SPATS1: variants seen among roughly 807,000 people sequenced by gnomAD.
SPATS1 encodes spermatogenesis associated serine rich 1.
SPATS1 carries 23 observed loss-of-function variants against 33.6 expected under a neutral mutation model. The ratio of observed to expected loss-of-function variants is 0.68; its 90% CI spans 0.49 to 0.97. The LOEUF (loss-of-function observed/expected upper bound fraction) is 0.97. Among genes scored for constraint, SPATS1 ranks in the 50% least tolerant of loss-of-function variants. The probability of loss-of-function intolerance (pLI) is 0.00; values close to 1 mark genes in which losing one functional copy is unlikely to be tolerated. For missense variants in SPATS1, 327 were observed against 361.0 expected (o/e 0.91, Z 0.76); for synonymous variants, 131 against 125.6 (o/e 1.04, Z -0.29).
intron 5 of SPATS1, among the ~76,000 whole-genome samples, chr6:44,366,515 G>A (rs7769100): frequency 0.71 from 108,576 of 152,026 alleles, 39,108 homozygotes; most frequent in Middle Eastern, 0.77. Context: ...GGAACTATTA[G>A]AGATCTTCTG....
Position 44,380,061 on chromosome 6 carries a change from A to G in SPATS1, c.*2998A>G, listed in dbSNP as rs577134875. ...AAGGCCACATGGGAAAAATATGTGC[A>G]TATCATAGCTGTTCCAGCTTTTGCT... is the stretch of plus-strand genomic sequence containing the variant. On this transcript the variant is annotated 3_prime_UTR_variant, in exon 9 of 9. Transcript: ENST00000674044. 2.6e-5 allele frequency among the ~76,000 whole-genome samples: 4 copies of G among 152,334 alleles called. No homozygotes were observed. Among genetic ancestry groups the G allele is most frequent in the Non-Finnish European group, 5.9e-5 (4 of 68,026 alleles).
intron 5 of SPATS1, among the ~76,000 whole-genome samples, chr6:44,363,555 C>A (rs866175922): frequency 6.6e-6 from 1 of 152,144 alleles, no homozygotes; most frequent in Admixed American, 6.5e-5. Flanking sequence ...AAGTAAACCA[C>A]CTTATCCTGA....
At chr6:44,356,930 C>T (rs1788623537) in intron 3 of SPATS1, among the ~76,000 whole-genome samples, 1 of 152,168 alleles carries the variant, frequency 6.6e-6, no homozygotes, top group African/African-American at 2.4e-5. Flanking sequence ...CAGAGGCTGC[C>T]TGCTACACTC....
intron 6 of SPATS1, among the ~76,000 whole-genome samples, chr6:44,369,371 A>G: frequency 6.6e-6 from 1 of 151,716 alleles, no homozygotes; most frequent in East Asian, 2.0e-4. Flanking sequence ...CCAACATGGT[A>G]AAATCCCGTG....
Position 44,379,808 on chromosome 6 carries a change from A to C in SPATS1, c.*2745A>C, listed in dbSNP as rs183635618. On this transcript the variant is annotated 3_prime_UTR_variant, in exon 9 of 9. Transcript: ENST00000674044. ...GTAAAAAAAAAAAACACAAAAAAAC[A>C]AAAAAACCCTACACAACTGTTAGAT... is the stretch of plus-strand genomic sequence containing the variant. Among the ~76,000 whole-genome samples the C allele has an allele frequency of 2.8e-4, 42 of 151,434 alleles. No individual in the cohort carries two copies. Among genetic ancestry groups the C allele is most frequent in the Admixed American group, 2.3e-3 (35 of 15,208 alleles).
rs1787678282 is a variant in SPATS1, at chr6:44,343,328, G to A, written c.139+94G>A. The A allele has an allele frequency of 2.7e-6, 4 of 1,469,234 alleles. No individual in the cohort carries two copies. The South Asian group carries it at 3.4e-5, about 13-fold the overall frequency. 91.0% of individuals were successfully genotyped at this position (1,469,234 alleles called of 1,614,324 possible). A position where few individuals can be genotyped will look rare whatever the true frequency, so the allele number is the denominator to read the frequency against. ...GGGCAGGTGGGGGGCACCATTTGAA[G>A]TTTAGAAGGAAGCTAGTTTGGGGGC... is the stretch of plus-strand genomic sequence containing the variant. On this transcript the variant is annotated intron_variant, in intron 2 of 8. Coordinates refer to ENST00000674044, the MANE Select transcript of SPATS1 (RefSeq NM_001372081.1).
chr6:44,345,178 C>T (rs1017241495), intron 2 of SPATS1, among the ~76,000 whole-genome samples: 11 of 151,796 alleles, frequency 7.2e-5, no homozygotes, highest in Non-Finnish European at 1.3e-4. Flanking sequence ...AGGGGAGGGG[C>T]GGGGAGGCAT....
At position 44,368,386 on chromosome 6, in the gene SPATS1, T is replaced by A; in HGVS notation, c.582T>A (p.Asp194Glu). The change falls in exon 6 of 9, where the codon GAT (aspartate) becomes GAA (glutamate). Residue 194 changes from aspartate to glutamate, a missense_variant. Asp to Glu is a conservative substitution (Grantham distance 45). Coordinates refer to ENST00000674044, the MANE Select transcript of SPATS1 (RefSeq NM_001372081.1). ...KCFGRKKYDI[D>E]PRNGIPKLTP... Reference sequence around the variant, plus strand: ...TTCAAACCTTCTCCACAGATATTGATCCCAGGAATGGAATCCCAAAGTTAA... The same window carrying A: ...TTCAAACCTTCTCCACAGATATTGAACCCAGGAATGGAATCCCAAAGTTAA... The A allele has an allele frequency of 1.2e-6, 2 of 1,613,162 alleles. No homozygotes were observed. Among genetic ancestry groups the A allele is most frequent in the South Asian group, 1.1e-5 (1 of 90,976 alleles).
intron 3 of SPATS1, among the ~76,000 whole-genome samples, chr6:44,355,289 A>G (rs985137479): frequency 1.3e-5 from 2 of 152,138 alleles, no homozygotes; most frequent in Admixed American, 6.5e-5. Flanking sequence ...GCTTCCCTCA[A>G]TAATATGCAT....
intron 5 of SPATS1, among the ~76,000 whole-genome samples, chr6:44,365,727 G>A (rs950413450): frequency 2.8e-4 from 43 of 152,258 alleles, no homozygotes; most frequent in African/African-American, 8.4e-4. Context: ...GGCAGAGTAA[G>A]TTATTTGGTG....
intron 5 of SPATS1, among the ~76,000 whole-genome samples, chr6:44,367,860 C>G (rs1429195489): frequency 6.6e-6 from 1 of 152,166 alleles, no homozygotes; most frequent in Admixed American, 6.5e-5. Context: ...GTGTAAGAAC[C>G]TCTGCTGAGT....
rs538272131 is a variant in SPATS1 at position 44,343,148 on chromosome 6, C to A, written c.53C>A (p.Ser18Tyr). Residue 18 changes from serine to tyrosine, a missense_variant, in exon 2 of 9, where the codon TCC becomes TAC. Coordinates refer to ENST00000674044, the MANE Select transcript of SPATS1 (RefSeq NM_001372081.1). ...AGTCCACGGGGCTGCCGTCTCCCCTCCATCTCAAGCACGACCTGCGGCAGA... is the reference window on the plus strand; with the variant it reads ...AGTCCACGGGGCTGCCGTCTCCCCTACATCTCAAGCACGACCTGCGGCAGA... ...GNSPRGCRLPSISSTTCGRQL... is the reference protein window; with the variant it reads ...GNSPRGCRLPYISSTTCGRQL... The A allele has an allele frequency of 1.9e-6, 3 of 1,614,188 alleles. No homozygotes were observed. In the African/African-American group the frequency reaches 4.0e-5, roughly 22 times the overall value.
intron 2 of SPATS1, among the ~76,000 whole-genome samples, chr6:44,351,691 A>T (rs971100165): frequency 8.5e-5 from 13 of 152,222 alleles, no homozygotes; most frequent in Admixed American, 7.9e-4. Flanking sequence ...GAGTGAAGAT[A>T]ATGGATATTC....
At chr6:44,370,534 A>G (rs1454004055) in intron 7 of SPATS1, among the ~76,000 whole-genome samples, 1 of 152,212 alleles carries the variant, frequency 6.6e-6, no homozygotes, top group African/African-American at 2.4e-5. Flanking sequence ...GGGAAATATC[A>G]TTCCTTTAAT....
chr6:44,376,357 G>A lies in SPATS1; in HGVS notation c.759-1G>A. 6.2e-7 allele frequency: 1 copy of A among 1,609,140 alleles called. No individual in the cohort carries two copies. The highest frequency in any genetic ancestry group is 8.5e-7 in the Non-Finnish European group (1 of 1,177,012). ...CTCAGGGTGTTGTCTTCTTCCCACA[G>A]CTTGCCTTTCTGGGTGAAGGAGAAG... On this transcript the variant is annotated splice_acceptor_variant, in intron 7 of 8. Coordinates refer to ENST00000674044, the MANE Select transcript of SPATS1 (RefSeq NM_001372081.1). LOFTEE classifies it high-confidence loss of function.
At chr6:44,351,993 G>A (rs1788272805) in intron 2 of SPATS1, among the ~76,000 whole-genome samples, 1 of 152,140 alleles carries the variant, frequency 6.6e-6, no homozygotes, top group Non-Finnish European at 1.5e-5. Context: ...GTGCTATATA[G>A]CTCACTTCAG....
At chr6:44,345,200 G>T (rs529611300) in intron 2 of SPATS1, among the ~76,000 whole-genome samples, 22 of 152,256 alleles carry the variant, frequency 1.4e-4, no homozygotes, top group African/African-American at 5.3e-4. Context: ...TTGAGAACAT[G>T]TTTAAGTGTC....
At chr6:44,374,515 T>C (rs1789816516) in intron 7 of SPATS1, among the ~76,000 whole-genome samples, 1 of 152,252 alleles carries the variant, frequency 6.6e-6, no homozygotes, top group Admixed American at 6.5e-5. Flanking sequence ...TCTTTTGCTT[T>C]TGAAGCACTT....
intron 3 of SPATS1, among the ~76,000 whole-genome samples, chr6:44,359,503 C>T (rs1029744312): frequency 1.3e-5 from 2 of 152,254 alleles, no homozygotes; most frequent in Non-Finnish European, 2.9e-5. Flanking sequence ...CCTTTTGTGT[C>T]TGGCTTATTT....
Sources: gnomAD v4.1 joint callset for allele counts (sites outside exome capture counted in the v4.1 genomes callset) on GRCh38, gnomAD v4.1.1 for gene constraint, MANE v1.5 for transcripts, NCBI Gene and HGNC (gene_info 2026-07-23, HGNC 2026-07-21) for gene names.